PKD2L1: variants seen among roughly 807,000 people sequenced by gnomAD.
The protein encoded by PKD2L1 is polycystin 2 like 1, transient receptor potential cation channel.
Under a neutral mutation model 93.0 loss-of-function variants are expected in PKD2L1, and 77 were observed. That is an observed-to-expected ratio of 0.83 (90% CI 0.69 to 1.00). The LOEUF is 1.00. Ranked by LOEUF, PKD2L1 falls within the 50% of genes least tolerant of loss-of-function variation. The pLI is 0.00. For missense variants in PKD2L1, 977 were observed against 990.9 expected (o/e 0.99, Z 0.19); for synonymous variants, 390 against 388.0 (o/e 1.01, Z -0.06).
rs1848317569 is a variant in PKD2L1 at position 100,288,205 on chromosome 10, G to C, written c.*191C>G. Reference sequence around the variant, plus strand: ...TGGAAACCCACATGGTCTTATGGAAGAATAATGTCAGAACCCACCACATAT... The same window carrying C: ...TGGAAACCCACATGGTCTTATGGAACAATAATGTCAGAACCCACCACATAT... On this transcript the variant is annotated 3_prime_UTR_variant, in exon 16 of 16. Transcript: ENST00000318222. 3 of 530,762 alleles carry C rather than the reference G, an allele frequency of 5.7e-6. No individual in the cohort carries two copies. In the South Asian group the frequency reaches 8.9e-5, roughly 16 times the overall value. The allele number at this position is 530,762 out of a possible 1,614,324, so 32.9% of individuals were successfully genotyped here.
intron 7 of PKD2L1, 87 bp from the exon 8 acceptor site, chr10:100,295,210 G>T: frequency 9.7e-7 from 1 of 1,032,704 alleles, no homozygotes; most frequent in Non-Finnish European, 1.5e-6. Flanking sequence ...GGAGGCCACA[G>T]GAGTTGCCAA....
intron 4 of PKD2L1, among the ~76,000 whole-genome samples, chr10:100,298,065 C>T (rs536563523): frequency 4.6e-5 from 7 of 152,270 alleles, no homozygotes; most frequent in African/African-American, 1.7e-4. Flanking sequence ...GGCTCCTTCA[C>T]CCCATGTTTC....
intron 6 of PKD2L1, 65 bp from the exon 7 acceptor site, chr10:100,296,357 G>A (rs1473385209): frequency 2.9e-6 from 4 of 1,374,268 alleles, no homozygotes; most frequent in Non-Finnish European, 3.9e-6. Context: ...GTTCCAAGAT[G>A]AGGCCCCAAG....
rs1226602794 is a variant in PKD2L1, at chr10:100,291,497, C to G, written c.1881-70G>C. On this transcript the variant is annotated intron_variant, in intron 11 of 15. Transcript: ENST00000318222. ...GACCTCTCAGTTATGGACTTCCTCACTCTTTTGCTTGACTCTGGCAAAAGT... is the reference window on the plus strand; with the variant it reads ...GACCTCTCAGTTATGGACTTCCTCAGTCTTTTGCTTGACTCTGGCAAAAGT... The G allele has an allele frequency of 3.3e-6, 5 of 1,537,348 alleles. No individual in the cohort carries two copies. The Admixed American group carries it at 5.7e-5, about 18-fold the overall frequency.
intron 4 of PKD2L1, among the ~76,000 whole-genome samples, chr10:100,297,999 A>C (rs1589665077): frequency 6.6e-6 from 1 of 152,104 alleles, no homozygotes; most frequent in Non-Finnish European, 1.5e-5. Flanking sequence ...TAGTCCCCCT[A>C]AGGGAAGCAC....
Position 100,296,118 on chromosome 10 carries a change from G to C in PKD2L1, c.1356+4C>G. The stretch of plus-strand genomic sequence containing the variant: ...GCAAAGCTGGGTGTGGGAATCCCAG[G>C]TACCTTGATCCAGGCGAAGAAGAGG... On this transcript the variant is annotated splice_donor_region_variant and intron_variant, in intron 7 of 15. Coordinates refer to ENST00000318222, the MANE Select transcript of PKD2L1 (RefSeq NM_016112.3). 6.2e-7 allele frequency: 1 copy of C among 1,605,834 alleles called. No individual in the cohort carries two copies. Among genetic ancestry groups the C allele is most frequent in the Non-Finnish European group, 8.5e-7 (1 of 1,176,322 alleles).
At chr10:100,294,805 G>A in intron 8 of PKD2L1, 137 bp downstream of exon 8, 3 of 1,316,446 alleles carry the variant, frequency 2.3e-6, no homozygotes, top group South Asian at 1.3e-5. Flanking sequence ...ACACACCAGG[G>A]CTTCTGGAGA....
chr10:100,309,003 T>C (rs1848870908), intron 2 of PKD2L1, among the ~76,000 whole-genome samples: 1 of 152,142 alleles, frequency 6.6e-6, no homozygotes, highest in Non-Finnish European at 1.5e-5. Flanking sequence ...TATCTAAATC[T>C]GTATCAGGAA....
At chr10:100,288,740 C>T (rs1451986358) in intron 15 of PKD2L1, among the ~76,000 whole-genome samples, 5 of 152,102 alleles carry the variant, frequency 3.3e-5, no homozygotes, top group African/African-American at 7.2e-5. Context: ...CAGTGGAAGA[C>T]GTTATTTCAC....
At chr10:100,296,517 T>C (rs754740565) in intron 6 of PKD2L1, among the ~76,000 whole-genome samples, 1 of 152,046 alleles carries the variant, frequency 6.6e-6, no homozygotes, top group Non-Finnish European at 1.5e-5. Context: ...CAATGGTAAA[T>C]ATTAATGTAT....
At chr10:100,305,433 T>G (rs1489268270) in intron 2 of PKD2L1, among the ~76,000 whole-genome samples, 1 of 152,172 alleles carries the variant, frequency 6.6e-6, no homozygotes, top group Non-Finnish European at 1.5e-5. Context: ...AATTTCAAAC[T>G]GAGTAAAGCA....
chr10:100,321,700 AAAGAAAGAAAGAAAGAAAG>A (rs1849237857), intron 2 of PKD2L1, among the ~76,000 whole-genome samples: 1 of 3,684 alleles, frequency 2.7e-4, no homozygotes, highest in Non-Finnish European at 6.4e-4. Context: ...AGAAAGAAAG[AAAGAAAGAAAGAAAGAAAG>A]AAAGAAAGAA....
chr10:100,329,321 A>C lies in PKD2L1; in HGVS notation c.239T>G (p.Leu80Arg), dbSNP rs149895326. The C allele has an allele frequency of 1.2e-5, 20 of 1,614,164 alleles. No individual in the cohort carries two copies. The highest frequency in any genetic ancestry group is 1.6e-4 in the Middle Eastern group (1 of 6,062). ...GTTCTCAGTCAGGGTTGTTCCCCAAAGTCCTAAGGGGCATGGGAGAGATGC... is the reference window on the plus strand; with the variant it reads ...GTTCTCAGTCAGGGTTGTTCCCCAACGTCCTAAGGGGCATGGGAGAGATGC... ...CLHICQGIRG[L>R]WGTTLTENTA... is the part of the protein sequence containing the mutation. Residue 80 changes from leucine (L) to arginine (R), a missense_variant, in exon 2 of 16, where the codon CTT becomes CGT. Leu to Arg is a moderately radical substitution (Grantham distance 102). Coordinates refer to ENST00000318222, the MANE Select transcript of PKD2L1 (RefSeq NM_016112.3).
chr10:100,298,761 G>C lies in PKD2L1; in HGVS notation c.532C>G (p.Gln178Glu), dbSNP rs761531774. ...SLYWTKWYNN[Q>E]SLGHGSHSFI... The stretch of plus-strand genomic sequence containing the variant: ...GAGTGGGAGCCATGGCCCAGGCTCT[G>C]GTTGTTGTACCATTTGGTCCAATAC... The change falls in exon 4 of 16, where the codon CAG becomes GAG. Residue 178 changes from glutamine (Q) to glutamate (E), a missense_variant. Gln to Glu is a conservative substitution (Grantham distance 29). Transcript: ENST00000318222. The C allele has an allele frequency of 2.5e-6, 4 of 1,613,834 alleles. No individual in the cohort carries two copies. In the East Asian group the frequency reaches 6.7e-5, roughly 27 times the overall value.
intron 13 of PKD2L1, 119 bp downstream of exon 13, chr10:100,290,282 G>T: frequency 7.9e-7 from 1 of 1,270,906 alleles, no homozygotes; most frequent in South Asian, 1.3e-5. Context: ...AATTAAAGGG[G>T]AGCGGAGGTT....
intron 2 of PKD2L1, among the ~76,000 whole-genome samples, chr10:100,314,121 C>T (rs1849001330): frequency 6.6e-6 from 1 of 152,140 alleles, no homozygotes. Context: ...CCATGACTTG[C>T]CTGCAAATAA....
At chr10:100,297,672 A>T in intron 4 of PKD2L1, 66 bp from the exon 5 acceptor site, 1 of 1,147,206 alleles carries the variant, frequency 8.7e-7, no homozygotes, top group Non-Finnish European at 1.3e-6. Flanking sequence ...GCAATGCTTT[A>T]TCATTGTCTG....
intron 4 of PKD2L1, 89 bp downstream of exon 4, chr10:100,298,473 A>G (rs1848601022): frequency 2.2e-6 from 3 of 1,360,560 alleles, no homozygotes; most frequent in Non-Finnish European, 3.1e-6. Context: ...AGGCTCTTTA[A>G]GCCTCAGTGG....
At chr10:100,314,994 GGAAGGAA>G (rs1849051286) in intron 2 of PKD2L1, among the ~76,000 whole-genome samples, 1 of 13,508 alleles carries the variant, frequency 7.4e-5, no homozygotes, top group Non-Finnish European at 1.2e-4. Context: ...AAGGAAGGAA[GGAAGGAA>G]GGAAGGAAGG....
Sources: allele counts gnomAD v4.1 joint callset (sites outside exome capture counted in the v4.1 genomes callset), GRCh38; gene constraint gnomAD v4.1.1; transcripts MANE v1.5; gene names NCBI Gene and HGNC (gene_info 2026-07-23, HGNC 2026-07-21).